TTC38: variants seen among roughly 807,000 people sequenced by gnomAD.
TTC38 encodes the protein tetratricopeptide repeat protein 38.
A neutral mutation model predicts 64.2 loss-of-function variants in TTC38; 64 were observed. The observed-to-expected ratio is 1.00, with a 90% CI of 0.81 to 1.23. The LOEUF (loss-of-function observed/expected upper bound fraction) is 1.23, where lower values mean the gene tolerates loss of function less well. Ranked by LOEUF, TTC38 falls within the 50% of genes most tolerant of loss-of-function variation. The probability of loss-of-function intolerance (pLI) is 0.00; values close to 1 mark genes in which losing one functional copy is unlikely to be tolerated. For synonymous variants in TTC38, 254 were observed against 249.3 expected (o/e 1.02, Z -0.18); for missense variants, 573 against 615.5 (o/e 0.93, Z 0.73).
At position 46,272,949 on chromosome 22, in the gene TTC38, G is replaced by C. The variant is rs1219110020; in HGVS notation, c.193+533G>C. Among the ~76,000 whole-genome samples the C allele has an allele frequency of 6.6e-6, 1 of 152,228 alleles. No individual in the cohort carries two copies. Among genetic ancestry groups the C allele is most frequent in the Non-Finnish European group, 1.5e-5 (1 of 68,044 alleles). ...GAAGCCAGCACAGTGCATTGCAGGT[G>C]GGTGGTCCCGTGGTGCGGCAAGGTT... On this transcript the variant is annotated intron_variant, in intron 3 of 13. Coordinates refer to ENST00000381031, the MANE Select transcript of TTC38 (RefSeq NM_017931.4). The surrounding 1 kb of genome is among the most constrained non-coding windows in gnomAD (Gnocchi z 6.4).
intron 6 of TTC38, among the ~76,000 whole-genome samples, chr22:46,279,549 G>A (rs985084539): frequency 6.6e-6 from 1 of 152,222 alleles, no homozygotes; most frequent in African/African-American, 2.4e-5. Flanking sequence ...TCCAGGCCCT[G>A]CCTCCCAACA....
chr22:46,293,586 C>G lies in TTC38; in HGVS notation c.*702C>G, dbSNP rs1289739766. On this transcript the variant is annotated 3_prime_UTR_variant, in exon 14 of 14. Coordinates refer to ENST00000381031, the MANE Select transcript of TTC38 (RefSeq NM_017931.4). This position sits in a 1 kb window ranked among gnomAD's most constrained non-coding sequence, Gnocchi z 6.6. ...ATTTGGACCCGTTTCTCTTTTTAAA[C>G]TGCACATCATAACAGGGCTTCATGT... is the stretch of plus-strand genomic sequence containing the variant. The G allele has an allele frequency of 6.6e-6, 1 of 152,102 alleles. No individual in the cohort carries two copies. Among genetic ancestry groups the G allele is most frequent in the Non-Finnish European group, 1.5e-5 (1 of 68,080 alleles). The allele number at this position is 152,102 out of a possible 1,614,324, so 9.4% of individuals were successfully genotyped here.
intron 1 of TTC38, 42 bp from the exon 2 acceptor site, chr22:46,268,472 C>G (rs915690649): frequency 1.9e-6 from 3 of 1,605,154 alleles, no homozygotes; most frequent in South Asian, 1.1e-5. Flanking sequence ...TTGAAGGGCT[C>G]CTGGAGAGAA....
Position 46,275,570 on chromosome 22 carries a change from T to G in TTC38, c.539+149T>G. 2 of 744,622 alleles carry G rather than the reference T, an allele frequency of 2.7e-6. No homozygotes were observed. The highest frequency in any genetic ancestry group is 4.3e-6 in the Non-Finnish European group (2 of 469,144). 46.1% of individuals were successfully genotyped at this position (744,622 alleles called of 1,614,324 possible). A position where few individuals can be genotyped will look rare whatever the true frequency, so the allele number is the denominator to read the frequency against. On this transcript the variant is annotated intron_variant, in intron 5 of 13. Transcript: ENST00000381031. This position sits in a 1 kb window ranked among gnomAD's most constrained non-coding sequence, Gnocchi z 4.5. ...TCCTTAAAGTTCAAAGGCCTCATTT[T>G]CTTCACTTGATTTTCATCCCACCTG...
Position 46,287,168 on chromosome 22 carries a change from C to A in TTC38, c.916+14C>A, listed in dbSNP as rs758680165. 27 of 1,592,002 alleles carry A rather than the reference C, an allele frequency of 1.7e-5. No individual in the cohort carries two copies. Among genetic ancestry groups the A allele is most frequent in the Non-Finnish European group, 1.7e-6 (2 of 1,167,072 alleles). ...TGCAGATGGAAGGTAGCCATCCCTG[C>A]AGCCCCACTGGCTTCTGCCTCTTCC... On this transcript the variant is annotated intron_variant, in intron 10 of 13. Transcript: ENST00000381031.
rs144351086 is a variant in TTC38, at chr22:46,270,471, T to G, written c.112-1864T>G. ...TATTTTAAAATCTAATGTGTGATTA[T>G]AGGTCTAGGACTTTTTTTAAAACAG... On this transcript the variant is annotated intron_variant, in intron 2 of 13. Coordinates refer to ENST00000381031, the MANE Select transcript of TTC38 (RefSeq NM_017931.4). This position sits in a 1 kb window ranked among gnomAD's most constrained non-coding sequence, Gnocchi z 4.7. Among the ~76,000 whole-genome samples, 149 of 152,348 alleles carry G rather than the reference T, an allele frequency of 9.8e-4. No individual in the cohort carries two copies. The Middle Eastern group carries it at 0.017, about 17-fold the overall frequency.
chr22:46,268,149 G>A, intron 1 of TTC38, 77 bp downstream of exon 1: 3 of 1,464,850 alleles, frequency 2.0e-6, no homozygotes, highest in Non-Finnish European at 2.7e-6. Context: ...GCGGAATAAC[G>A]GGAGACATGG....
At chr22:46,268,772 C>T in intron 2 of TTC38, 181 bp downstream of exon 2, 1 of 586,866 alleles carries the variant, frequency 1.7e-6, no homozygotes, top group Non-Finnish European at 3.0e-6. Context: ...GCAAGCTTTG[C>T]CTCCCGGGTT....
chr22:46,275,414 C>A lies in TTC38; in HGVS notation c.532C>A (p.Leu178Ile), dbSNP rs965466023. ...CCCCTTCTGGACACCTGACATCCCC[C>A]TAAGCAGGTATGTGCCAGCTGGAAA... ...IYPFWTPDIPLSSYVKGIYSF... is the reference protein window; with the variant it reads ...IYPFWTPDIPISSYVKGIYSF... Residue 178 changes from leucine to isoleucine, a missense_variant, in exon 5 of 14, where the codon CTA becomes ATA. Leu to Ile is a conservative substitution (Grantham distance 5). This residue lies in a region of TTC38 where 68 missense variants were observed against 107.3 expected (regional missense o/e 0.63). Transcript: ENST00000381031. This position sits in a 1 kb window ranked among gnomAD's most constrained non-coding sequence, Gnocchi z 4.5. 6.2e-7 allele frequency: 1 copy of A among 1,612,762 alleles called. No individual in the cohort carries two copies. Among genetic ancestry groups the A allele is most frequent in the African/African-American group, 1.3e-5 (1 of 74,868 alleles).
Position 46,274,128 on chromosome 22 carries a change from GGGTATCC to G in TTC38, c.365+60_365+66del, listed in dbSNP as rs1936957525. 1.3e-6 allele frequency: 2 copies of G among 1,513,894 alleles called. No individual in the cohort carries two copies. Among genetic ancestry groups the G allele is most frequent in the Non-Finnish European group, 1.8e-6 (2 of 1,099,194 alleles). The allele number at this position is 1,513,894 out of a possible 1,614,324, so 93.8% of individuals were successfully genotyped here. On this transcript the variant is annotated intron_variant, in intron 4 of 13. Transcript: ENST00000381031. This position sits in a 1 kb window ranked among gnomAD's most constrained non-coding sequence, Gnocchi z 4.8. ...CTGAGGCTGAGCTGGGGGAGTGGCAGGGTATCCCTTTCCTGATGCCCTTGGGACGGGG... is the reference window on the plus strand; with the variant it reads ...CTGAGGCTGAGCTGGGGGAGTGGCAGCTTTCCTGATGCCCTTGGGACGGGG...
At position 46,271,521 on chromosome 22, in the gene TTC38, T is replaced by C. The variant is rs9615911; in HGVS notation, c.112-814T>C. Among the ~76,000 whole-genome samples the C allele has an allele frequency of 3.3e-5, 5 of 151,536 alleles. No homozygotes were observed. The highest frequency in any genetic ancestry group is 6.6e-5 in the Admixed American group (1 of 15,198). The stretch of plus-strand genomic sequence containing the variant: ...AGCCACCACACCTGGCCTTTTTTTT[T>C]CCTTTTCTCTGTCACCCAGGCTGGG... On this transcript the variant is annotated intron_variant, in intron 2 of 13. Transcript: ENST00000381031. The surrounding 1 kb of genome is among the most constrained non-coding windows in gnomAD (Gnocchi z 5.5).
rs899595995 is a variant in TTC38 at position 46,282,083 on chromosome 22, G to T, written c.735+365G>T. ...GAAGCATTAAACTCAACTGGGCTTGGGGGGACAGTGGCTAGGGAAGGCATC... is the reference window on the plus strand; with the variant it reads ...GAAGCATTAAACTCAACTGGGCTTGTGGGGACAGTGGCTAGGGAAGGCATC... On this transcript the variant is annotated intron_variant, in intron 7 of 13. Coordinates refer to ENST00000381031, the MANE Select transcript of TTC38 (RefSeq NM_017931.4). This position sits in a 1 kb window ranked among gnomAD's most constrained non-coding sequence, Gnocchi z 4.4. 5 of 426,402 alleles carry T rather than the reference G, an allele frequency of 1.2e-5. No homozygotes were observed. Among genetic ancestry groups the T allele is most frequent in the Non-Finnish European group, 2.0e-5 (4 of 205,124 alleles). 26.4% of individuals were successfully genotyped at this position (426,402 alleles called of 1,614,324 possible).
Position 46,293,244 on chromosome 22 carries a change from C to T in TTC38, c.*360C>T, listed in dbSNP as rs751991398. 4 of 242,040 alleles carry T rather than the reference C, an allele frequency of 1.7e-5. No homozygotes were observed. Among genetic ancestry groups the T allele is most frequent in the African/African-American group, 2.2e-5 (1 of 46,046 alleles). The allele number at this position is 242,040 out of a possible 1,614,324, so 15.0% of individuals were successfully genotyped here. ...GCTGATTCTGCTGGGACAGGTCTTC[C>T]AGAGGCAGCCTCCCCCCACTGCCTG... is the stretch of plus-strand genomic sequence containing the variant. On this transcript the variant is annotated 3_prime_UTR_variant, in exon 14 of 14. Transcript: ENST00000381031. This position sits in a 1 kb window ranked among gnomAD's most constrained non-coding sequence, Gnocchi z 6.6.
chr22:46,284,339 CCAGGCTATGGGGCAGCTGCT>C (rs1379444671), intron 8 of TTC38, among the ~76,000 whole-genome samples: 1 of 152,204 alleles, frequency 6.6e-6, no homozygotes, highest in Non-Finnish European at 1.5e-5. Flanking sequence ...CCAACGGGAG[CCAGGCTATGGGGCAGCTGCT>C]CAGGACACCC....
In TTC38 at chr22:46,282,916, T is replaced by A. The variant is rs545224367; in HGVS notation, c.736-1057T>A. 6.6e-6 allele frequency among the ~76,000 whole-genome samples: 1 copy of A among 152,244 alleles called. No homozygotes were observed. Among genetic ancestry groups the A allele is most frequent in the South Asian group, 2.1e-4 (1 of 4,820 alleles). ...TGGAGTGTGGCCCTGGGCCTGTTGATCTCTGCAGGTTTTTGTTTTTGTTTT... is the reference window on the plus strand; with the variant it reads ...TGGAGTGTGGCCCTGGGCCTGTTGAACTCTGCAGGTTTTTGTTTTTGTTTT... On this transcript the variant is annotated intron_variant, in intron 7 of 13. Transcript: ENST00000381031. The surrounding 1 kb of genome is among the most constrained non-coding windows in gnomAD (Gnocchi z 4.4).
In TTC38 at chr22:46,284,885, A is replaced by G. The variant is rs1027266030; in HGVS notation, c.796-356A>G. 7.2e-4 allele frequency among the ~76,000 whole-genome samples: 110 copies of G among 151,894 alleles called. 1 individual carries two copies. The highest frequency in any genetic ancestry group is 5.0e-3 in the East Asian group (26 of 5,182). ...CCCCATCTCAAAAAAAAAAAAAAAA[A>G]AAAAAGAAAAAGGCTAGAAAGAAAT... On this transcript the variant is annotated intron_variant, in intron 8 of 13. Coordinates refer to ENST00000381031, the MANE Select transcript of TTC38 (RefSeq NM_017931.4).
Position 46,276,782 on chromosome 22 carries a change from TA to T in TTC38, c.539+1365del, listed in dbSNP as rs1230968343. On this transcript the variant is annotated intron_variant, in intron 5 of 13. Coordinates refer to ENST00000381031, the MANE Select transcript of TTC38 (RefSeq NM_017931.4). The surrounding 1 kb of genome is among the most constrained non-coding windows in gnomAD (Gnocchi z 4.7). ...TTAAAAATATATATTAAATATATAT[TA>T]AAATATATATTAAAAATTATATATT... Among the ~76,000 whole-genome samples the T allele has an allele frequency of 7.9e-4, 93 of 117,778 alleles. No homozygotes were observed. The highest frequency in any genetic ancestry group is 3.6e-3 in the African/African-American group (82 of 22,592). The allele number at this position is 117,778 out of a possible 152,430, so 77.3% of individuals were successfully genotyped here.
chr22:46,292,810 G>A lies in TTC38; in HGVS notation c.1336G>A (p.Asp446Asn). ...CCACAGGAGCCTTCTGATGGAGCGT[G>A]ATGCCTTGAAGCCCAACTCGCCCCT... ...NVARSLLMERDALKPNSPLTE... is the reference protein window; with the variant it reads ...NVARSLLMERNALKPNSPLTE... The change falls in exon 14 of 14, where the codon GAT (aspartate) becomes AAT (asparagine). Residue 446 changes from aspartate to asparagine, a missense_variant. By Grantham distance (23) the Asp-to-Asn change is conservative. Transcript: ENST00000381031. The surrounding 1 kb of genome is among the most constrained non-coding windows in gnomAD (Gnocchi z 6.5). The A allele has an allele frequency of 1.9e-6, 3 of 1,614,036 alleles. No individual in the cohort carries two copies. The South Asian group carries it at 3.3e-5, about 18-fold the overall frequency.
In TTC38 at chr22:46,292,963, G is replaced by T; in HGVS notation, c.*79G>T. The T allele has an allele frequency of 1.7e-6, 2 of 1,148,406 alleles. No individual in the cohort carries two copies. The highest frequency in any genetic ancestry group is 1.2e-5 in the South Asian group (1 of 80,374). 71.1% of individuals were successfully genotyped at this position (1,148,406 alleles called of 1,614,324 possible). A position where few individuals can be genotyped will look rare whatever the true frequency, so the allele number is the denominator to read the frequency against. On this transcript the variant is annotated 3_prime_UTR_variant, in exon 14 of 14. Transcript: ENST00000381031. The surrounding 1 kb of genome is among the most constrained non-coding windows in gnomAD (Gnocchi z 6.5). ...CAGTCAGCTGCTCCACCGGGTTAGG[G>T]TCAGGAGACGGCCAGAGCCTGTTTG...
Sources: gnomAD v4.1 joint callset for allele counts (sites outside exome capture counted in the v4.1 genomes callset) on GRCh38, gnomAD v4.1.1 for gene constraint, gnomAD v4.1.1 regional missense constraint, Gnocchi (gnomAD v3.1) non-coding constraint, MANE v1.5 for transcripts, NCBI Gene and HGNC (gene_info 2026-07-23, HGNC 2026-07-21) for gene names.